The following PAX8 variants were observed in gnomAD, a reference collection of about 807,000 sequenced individuals.
PAX8 encodes the protein paired box protein Pax-8.
PAX8 carries 15 observed loss-of-function variants against 52.4 expected under a neutral mutation model. The observed-to-expected ratio is 0.29, with a 90% CI of 0.19 to 0.44. PAX8 has a LOEUF of 0.44. Among genes scored for constraint, PAX8 ranks in the 20% least tolerant of loss-of-function variants. The pLI is 1.00. For missense variants in PAX8, 554 were observed against 602.5 expected, an observed-to-expected ratio of 0.92 and a Z score of 0.84; for synonymous variants, 284 against 249.7, an observed-to-expected ratio of 1.14 and a Z score of -1.29.
intron 2 of PAX8, among the ~76,000 whole-genome samples, chr2:113,277,336 C>T (rs766031701): frequency 7.9e-5 from 12 of 152,248 alleles, no homozygotes; most frequent in Non-Finnish European, 1.6e-4. Flanking sequence ...GAGCCCGGGC[C>T]CCCGCAGTGC....
chr2:113,253,296 C>T (rs892362280), intron 2 of PAX8, among the ~76,000 whole-genome samples: 1 of 152,172 alleles, frequency 6.6e-6, no homozygotes, highest in Non-Finnish European at 1.5e-5. Context: ...ATTGTCATAC[C>T]TACTACCCAT....
At chr2:113,224,834 TAAAATATAAAATAAA>T (rs1229230612) in intron 10 of PAX8, among the ~76,000 whole-genome samples, 1 of 130,522 alleles carries the variant, frequency 7.7e-6, no homozygotes, top group African/African-American at 2.9e-5. Context: ...TAAAATAAAA[TAAAATATAAAATAAA>T]ATAAAATAAA....
At position 113,218,572 on chromosome 2, in the gene PAX8, A is replaced by C; in HGVS notation, c.1314T>G (p.Ser438Arg). ...AGGCCGTGGCAGTGGTGGGCGGTGC[A>C]CTCGGCCTTGATGTGGAACTGTAAT... Reference protein sequence around the residue: ...PYYYSSTSRPSAPPTTATAFD... With the variant: ...PYYYSSTSRPRAPPTTATAFD... Residue 438 changes from serine to arginine, a missense_variant, in exon 12 of 12, where the codon AGT (serine) becomes AGG (arginine). Ser to Arg is a moderately radical substitution (Grantham distance 110, BLOSUM62 -1). Transcript: ENST00000429538. 3 of 1,559,854 alleles carry C rather than the reference A, an allele frequency of 1.9e-6. No homozygotes were observed. Among genetic ancestry groups the C allele is most frequent in the South Asian group, 1.2e-5 (1 of 84,256 alleles).
Position 113,235,440 on chromosome 2 carries a change from AT to A in PAX8, c.1040del (p.His347LeufsTer79). ...TGAACTGCCCGTACACGGAGGCAGC[AT>A]GGGGAAAGGCATTGAAGGGCGGGAC... Reference protein sequence around the residue: ...SGVPPFNAFPHAASVYGQFTG... With the variant: ...SGVPPFNAFPXAASVYGQFTG... On this transcript the variant is annotated frameshift_variant, in exon 9 of 12. Coordinates refer to ENST00000429538, the MANE Select transcript of PAX8 (RefSeq NM_003466.4). LOFTEE classifies it high-confidence loss of function. 6.2e-7 allele frequency: 1 copy of A among 1,608,550 alleles called. No homozygotes were observed. The highest frequency in any genetic ancestry group is 2.2e-5 in the East Asian group (1 of 44,700).
chr2:113,224,255 T>C (rs1286015069), intron 10 of PAX8, among the ~76,000 whole-genome samples: 2 of 151,798 alleles, frequency 1.3e-5, no homozygotes, highest in Non-Finnish European at 2.9e-5. Context: ...AATTAAAAGA[T>C]GGATGGAGGG....
At chr2:113,267,370 C>G (rs1450855662) in intron 2 of PAX8, 1 of 152,286 alleles carries the variant, frequency 6.6e-6, no homozygotes, top group Admixed American at 6.5e-5. Flanking sequence ...AGGCAAATGA[C>G]TGGCTGCCCC....
intron 7 of PAX8, chr2:113,238,934 C>G (rs1003358249): frequency 6.6e-6 from 1 of 152,134 alleles, no homozygotes; most frequent in African/African-American, 2.4e-5. Context: ...AACTGATATT[C>G]ATATTCTGTT....
At chr2:113,261,658 T>C (rs150087600) in intron 2 of PAX8, among the ~76,000 whole-genome samples, 2 of 152,346 alleles carry the variant, frequency 1.3e-5, no homozygotes, top group Non-Finnish European at 2.9e-5. Flanking sequence ...ATTCACCTCA[T>C]GGCAGAACCA....
chr2:113,220,024 C>T, intron 11 of PAX8, 68 bp downstream of exon 11: 1 of 1,165,724 alleles, frequency 8.6e-7, no homozygotes, highest in African/African-American at 1.5e-5. Context: ...TAACCTTTGA[C>T]CCACCCTTGC....
intron 7 of PAX8, chr2:113,241,339 G>A: frequency 1.5e-6 from 1 of 645,846 alleles, no homozygotes; most frequent in East Asian, 2.7e-5. Flanking sequence ...AAAGGTTTTG[G>A]GTGAAGGAAG....
chr2:113,226,551 C>T (rs1573411973), intron 10 of PAX8: 1 of 1,000,776 alleles, frequency 1.0e-6, no homozygotes, highest in East Asian at 9.7e-5. Context: ...GGATGGAGAG[C>T]TACTCCAGGC....
rs1483665263 is a variant in PAX8 at position 113,236,511 on chromosome 2, AGGC to A, written c.898+87_898+89del. The A allele has an allele frequency of 2.1e-6, 3 of 1,434,596 alleles. No homozygotes were observed. The African/African-American group carries it at 4.3e-5, about 20-fold the overall frequency. 88.9% of individuals were successfully genotyped at this position (1,434,596 alleles called of 1,614,324 possible). A position where few individuals can be genotyped will look rare whatever the true frequency, so the allele number is the denominator to read the frequency against. ...CCGGCACAGCCCGCCTCTCCTCTCCAGGCCAGGGCCCCACACCTTCCGCCTGAC... is the reference window on the plus strand; with the variant it reads ...CCGGCACAGCCCGCCTCTCCTCTCCACAGGGCCCCACACCTTCCGCCTGAC... On this transcript the variant is annotated intron_variant, in intron 8 of 11. Transcript: ENST00000429538.
At chr2:113,225,404 C>T (rs959030227) in intron 10 of PAX8, among the ~76,000 whole-genome samples, 2 of 152,082 alleles carry the variant, frequency 1.3e-5, no homozygotes, top group African/African-American at 2.4e-5. Flanking sequence ...AATTTTTCCA[C>T]AAAAAAATTT....
In PAX8 at chr2:113,242,719, G is replaced by A; in HGVS notation, c.449C>T (p.Thr150Ile). Residue 150 changes from threonine (T) to isoleucine (I), a missense_variant, in exon 5 of 12, where the codon ACC becomes ATC. Thr to Ile is a moderately conservative substitution (Grantham distance 89). This residue lies in a region of PAX8 where 445 missense variants were observed against 409.9 expected (regional missense o/e 1.09). Coordinates refer to ENST00000429538, the MANE Select transcript of PAX8 (RefSeq NM_003466.4). ...CGTGTGTCCGGGACTCAGGGACTTG[G>A]TGGCCACGCAGCTGTCCATAGGGAG... ...FNLPMDSCVA[T>I]KSLSPGHTLI... 6.2e-7 allele frequency: 1 copy of A among 1,613,888 alleles called. No homozygotes were observed. The highest frequency in any genetic ancestry group is 8.5e-7 in the Non-Finnish European group (1 of 1,179,808).
chr2:113,224,857 A>G (rs1175828693), intron 10 of PAX8, among the ~76,000 whole-genome samples: 1 of 131,940 alleles, frequency 7.6e-6, no homozygotes, highest in Non-Finnish European at 1.7e-5. Flanking sequence ...AAAATAAAAT[A>G]AAATAAAATA....
chr2:113,235,449 G>A lies in PAX8; in HGVS notation c.1032C>T (p.Ala344=), dbSNP rs752745719. The A allele has an allele frequency of 1.9e-6, 3 of 1,610,222 alleles. No homozygotes were observed. Among genetic ancestry groups the A allele is most frequent in the South Asian group, 2.2e-5 (2 of 90,294 alleles). Residue 344 remains alanine, a synonymous_variant, in exon 9 of 12, where the codon GCC becomes GCT. Coordinates refer to ENST00000429538, the MANE Select transcript of PAX8 (RefSeq NM_003466.4). ...QVGSGVPPFN[A]FPHAASVYGQ... is the part of the protein sequence containing the mutation. ...CGTACACGGAGGCAGCATGGGGAAAGGCATTGAAGGGCGGGACCCCGGAGC... is the reference window on the plus strand; with the variant it reads ...CGTACACGGAGGCAGCATGGGGAAAAGCATTGAAGGGCGGGACCCCGGAGC...
At chr2:113,260,589 G>A (rs1692593556) in intron 2 of PAX8, among the ~76,000 whole-genome samples, 1 of 152,072 alleles carries the variant, frequency 6.6e-6, no homozygotes, top group South Asian at 2.1e-4. Context: ...GGGGAGAAGG[G>A]GGAATAGGAA....
chr2:113,244,622 T>A lies in PAX8; in HGVS notation c.194A>T (p.Tyr65Phe), dbSNP rs200673821. 1.2e-5 allele frequency: 19 copies of A among 1,613,990 alleles called. No individual in the cohort carries two copies. The highest frequency in any genetic ancestry group is 1.5e-5 in the Non-Finnish European group (18 of 1,179,846). The change falls in exon 4 of 12, where the codon TAC becomes TTC. Residue 65 changes from tyrosine (Y) to phenylalanine (F), a missense_variant and splice_region_variant. By Grantham distance (22) the Tyr-to-Phe change is conservative. Around this residue, in one of 2 missense-constraint regions of PAX8, gnomAD observed 109 missense variants for 192.7 expected, o/e 0.57. Coordinates refer to ENST00000429538, the MANE Select transcript of PAX8 (RefSeq NM_003466.4). ...HGCVSKILGR[Y>F]YETGSIRPGV... ...AGGCCGGATGCTGCCAGTCTCGTAG[T>A]ACCTACTCCAATAGAGAATCCCAAA...
At chr2:113,249,581 C>CT (rs1181620796) in intron 2 of PAX8, among the ~76,000 whole-genome samples, 5 of 150,888 alleles carry the variant, frequency 3.3e-5, no homozygotes, top group Non-Finnish European at 7.4e-5. Flanking sequence ...GGTATTGTGC[C>CT]TTTTTTTTAA....
Sources: allele counts gnomAD v4.1 joint callset (sites outside exome capture counted in the v4.1 genomes callset), GRCh38; gene constraint gnomAD v4.1.1; regional missense constraint gnomAD v4.1.1; transcripts MANE v1.5; gene names NCBI Gene and HGNC (gene_info 2026-07-23, HGNC 2026-07-21).